ZNF41: variants seen among roughly 807,000 people sequenced by gnomAD.
ZNF41 encodes the protein zinc finger protein 41.
Under a neutral mutation model 9.3 loss-of-function variants are expected in ZNF41, and 6 were observed. The observed-to-expected ratio is 0.65, with a 90% CI of 0.35 to 1.28. ZNF41 has a LOEUF of 1.28. Ranked by LOEUF, ZNF41 falls within the 50% of genes most tolerant of loss-of-function variation. The pLI is 0.03. For synonymous variants in ZNF41, 192 were observed against 207.1 expected (o/e 0.93, Z 0.63); for missense variants, 523 against 585.8 (o/e 0.89, Z 1.11).
At chrX:47,450,500 C>T (rs149502685) in intron 4 of ZNF41, among the ~76,000 whole-genome samples, 2,196 of 111,197 alleles carry the variant, frequency 0.02, 50 homozygotes, top group Non-Finnish European at 0.033. Context: ...TGTGAGCCAC[C>T]GTGCCGGCCC....
At chrX:47,464,683 T>C (rs2056925858) in intron 2 of ZNF41, among the ~76,000 whole-genome samples, 1 of 111,341 alleles carries the variant, frequency 9.0e-6, no homozygotes, top group Non-Finnish European at 1.9e-5. Flanking sequence ...ATCCCTACTA[T>C]TGGCTGGGCA....
rs779943211 is a variant in ZNF41, at chrX:47,463,425, G to A, written c.72+3985C>T. ...TGTCCCCTCAGTCACAGGCAAACCA[G>A]GATGGTCCTGGGAACTCTGGCTGTT... is the stretch of plus-strand genomic sequence containing the variant. On this transcript the variant is annotated intron_variant, in intron 2 of 4. Coordinates refer to ENST00000684689, the MANE Select transcript of ZNF41 (RefSeq NM_001324144.2). 2.7e-5 allele frequency among the ~76,000 whole-genome samples: 3 copies of A among 111,041 alleles called. No individual in the cohort carries two copies. In the South Asian group the frequency reaches 1.1e-3, roughly 42 times the overall value.
chrX:47,463,557 C>T (rs1257203472), intron 2 of ZNF41, among the ~76,000 whole-genome samples: 1 of 111,396 alleles, frequency 9.0e-6, no homozygotes, highest in East Asian at 2.8e-4. Context: ...TCTAGTCTCT[C>T]TAGCTGGCCA....
At chrX:47,455,855 C>T (rs951792495) in intron 4 of ZNF41, 66 bp downstream of exon 4, 20 of 1,036,123 alleles carry the variant, frequency 1.9e-5, no homozygotes, top group East Asian at 9.1e-5. Context: ...TCAAAGGCAT[C>T]GGGCTTTCCT....
chrX:47,460,231 C>T (rs886995845), intron 2 of ZNF41, among the ~76,000 whole-genome samples: 2 of 111,961 alleles, frequency 1.8e-5, no homozygotes, highest in African/African-American at 3.2e-5. Context: ...TGTCACTGTA[C>T]TCCAGTCTGG....
At chrX:47,451,040 G>T (rs1269196435) in intron 4 of ZNF41, among the ~76,000 whole-genome samples, 1 of 112,063 alleles carries the variant, frequency 8.9e-6, no homozygotes, top group Non-Finnish European at 1.9e-5. Flanking sequence ...TACCTCTAGG[G>T]AGCTTATGTT....
At chrX:47,460,022 G>C (rs959900792) in intron 2 of ZNF41, among the ~76,000 whole-genome samples, 2 of 111,116 alleles carry the variant, frequency 1.8e-5, no homozygotes, top group African/African-American at 6.5e-5. Flanking sequence ...GCCAAGGCAG[G>C]AGGATTGCTT....
At chrX:47,481,092 A>G (rs2057460084) in intron 1 of ZNF41, among the ~76,000 whole-genome samples, 1 of 111,672 alleles carries the variant, frequency 9.0e-6, no homozygotes, top group Non-Finnish European at 1.9e-5. Context: ...TGAACATTGC[A>G]ACTGCAATTA....
chrX:47,470,310 G>A (rs935562928), intron 1 of ZNF41, among the ~76,000 whole-genome samples: 30 of 107,756 alleles, frequency 2.8e-4, no homozygotes, highest in Non-Finnish European at 4.0e-4. Context: ...TACTCAGGAG[G>A]TTGAGGCAGG....
At chrX:47,458,463 G>A (rs1285619689) in intron 2 of ZNF41, among the ~76,000 whole-genome samples, 2 of 111,068 alleles carry the variant, frequency 1.8e-5, no homozygotes, top group African/African-American at 6.5e-5. Flanking sequence ...TTGAAATAAA[G>A]ACATTATAAA....
intron 2 of ZNF41, among the ~76,000 whole-genome samples, chrX:47,461,345 G>A (rs189190733): frequency 2.3e-4 from 25 of 109,413 alleles, no homozygotes; most frequent in African/African-American, 4.6e-4. Flanking sequence ...TGATCCACCC[G>A]GCTCGGCCTC....
At chrX:47,468,122 A>C (rs763491346) in intron 1 of ZNF41, among the ~76,000 whole-genome samples, 6 of 111,446 alleles carry the variant, frequency 5.4e-5, no homozygotes, top group Non-Finnish European at 1.1e-4. Flanking sequence ...TATTATTACT[A>C]ATCCCATTTA....
At chrX:47,450,886 T>G (rs750200576) in intron 4 of ZNF41, among the ~76,000 whole-genome samples, 111 of 112,037 alleles carry the variant, frequency 9.9e-4, no homozygotes, top group African/African-American at 3.6e-3. Flanking sequence ...CCATCAGGAT[T>G]AGAGTTGACT....
chrX:47,475,302 C>T (rs920635506), intron 1 of ZNF41, among the ~76,000 whole-genome samples: 1 of 110,060 alleles, frequency 9.1e-6, no homozygotes, highest in African/African-American at 3.3e-5. Flanking sequence ...AAAAACATAA[C>T]ATCTCTAGCA....
At position 47,446,021 on chromosome X, in the gene ZNF41, T is replaced by C. The variant is rs2056101742; in HGVS notation, c.*1409A>G. On this transcript the variant is annotated 3_prime_UTR_variant, in exon 5 of 5. Transcript: ENST00000684689. Reference sequence around the variant, plus strand: ...GGGAAAGTGGGGAAGGCTTCTGGGGTGCTGGTCATGTTCTGTTTCTTGATC... The same window carrying C: ...GGGAAAGTGGGGAAGGCTTCTGGGGCGCTGGTCATGTTCTGTTTCTTGATC... 1 of 111,408 alleles carries C rather than the reference T, an allele frequency of 9.0e-6. No homozygotes were observed. Among genetic ancestry groups the C allele is most frequent in the Admixed American group, 9.6e-5 (1 of 10,400 alleles). The allele number at this position is 111,408 out of a possible 1,213,427, so 9.2% of individuals were successfully genotyped here.
intron 2 of ZNF41, among the ~76,000 whole-genome samples, chrX:47,462,974 TACACACACAC>T (rs756873063): frequency 2.0e-5 from 2 of 100,954 alleles, no homozygotes; most frequent in African/African-American, 3.6e-5. Flanking sequence ...CACATATGTG[TACACACACAC>T]ACACACACAT....
chrX:47,447,864 C>T lies in ZNF41; in HGVS notation c.1906G>A (p.Glu636Lys). The change falls in exon 5 of 5, where the codon GAA becomes AAA. Residue 636 changes from glutamate to lysine, a missense_variant. Coordinates refer to ENST00000684689, the MANE Select transcript of ZNF41 (RefSeq NM_001324144.2). ...AAGCATTTCCCACAGTCGCTGCATT[C>T]ATAAGGCTTCTCTCCAGTATGGATT... ...HRIHTGEKPY[E>K]CSDCGKCFTK... 1 of 1,211,582 alleles carries T rather than the reference C, an allele frequency of 8.3e-7. No individual in the cohort carries two copies. The highest frequency in any genetic ancestry group is 3.0e-5 in the East Asian group (1 of 33,811).
chrX:47,456,097 T>C, intron 3 of ZNF41, 81 bp from the exon 4 acceptor site: 1 of 1,092,383 alleles, frequency 9.2e-7, no homozygotes, highest in Non-Finnish European at 1.3e-6. Flanking sequence ...CCTTTGCTTT[T>C]CAGAAAAGTA....
chrX:47,456,408 C>T lies in ZNF41; in HGVS notation c.73-10G>A. ...CAAATGACACTGAAGCCTGTAACGA[C>T]ACAATGCTGTTCAAGGCAGCATGGT... On this transcript the variant is annotated splice_polypyrimidine_tract_variant and intron_variant, in intron 2 of 4. Transcript: ENST00000684689. 1 of 1,211,288 alleles carries T rather than the reference C, an allele frequency of 8.3e-7. No homozygotes were observed. The highest frequency in any genetic ancestry group is 1.1e-6 in the Non-Finnish European group (1 of 895,263).
Sources: allele counts gnomAD v4.1 joint callset (sites outside exome capture counted in the v4.1 genomes callset), GRCh38; gene constraint gnomAD v4.1.1; transcripts MANE v1.5; gene names NCBI Gene and HGNC (gene_info 2026-07-23, HGNC 2026-07-21).